ARHGAP32: variants seen among roughly 807,000 people sequenced by gnomAD.
The protein encoded by ARHGAP32 is Rho GTPase activating protein 32, also known as rho GTPase-activating protein 32.
ARHGAP32 carries 51 observed loss-of-function variants against 186.5 expected under a neutral mutation model. The observed-to-expected ratio is 0.27, with a 90% CI of 0.22 to 0.35. ARHGAP32 has a LOEUF of 0.35. Ranked by LOEUF, ARHGAP32 falls within the 10% of genes least tolerant of loss-of-function variation. ARHGAP32 has a pLI of 1.00. For missense variants in ARHGAP32, 2,186 were observed against 2,623.5 expected (o/e 0.83, Z 3.64); for synonymous variants, 950 against 964.3 (o/e 0.99, Z 0.27).
At chr11:129,049,797 G>C (rs896501142) in intron 10 of ARHGAP32, among the ~76,000 whole-genome samples, 1 of 152,106 alleles carries the variant, frequency 6.6e-6, no homozygotes, top group Non-Finnish European at 1.5e-5. Context: ...TATTAGGGTC[G>C]TTTCCAGTTT....
chr11:129,276,368 A>G (rs1250183748), intron 1 of ARHGAP32, among the ~76,000 whole-genome samples: 2 of 152,176 alleles, frequency 1.3e-5, no homozygotes, highest in Non-Finnish European at 2.9e-5. Context: ...TGGCACAATG[A>G]TAGCTCACTG....
chr11:129,234,694 G>A (rs973152271), intron 1 of ARHGAP32, among the ~76,000 whole-genome samples: 1 of 152,028 alleles, frequency 6.6e-6, no homozygotes, highest in Admixed American at 6.6e-5. Context: ...AATGAATCTG[G>A]CAATTTTTAG....
At chr11:128,973,555 A>G in intron 21 of ARHGAP32, 123 bp from the exon 22 acceptor site, 1 of 1,042,482 alleles carries the variant, frequency 9.6e-7, no homozygotes, top group East Asian at 2.5e-5. Flanking sequence ...CAAAATGGCA[A>G]TCCATGATCT....
chr11:129,045,552 T>C (rs754437719), intron 10 of ARHGAP32, among the ~76,000 whole-genome samples: 2 of 150,656 alleles, frequency 1.3e-5, no homozygotes, highest in African/African-American at 5.0e-5. Context: ...GGAACTAACT[T>C]TAAAAGTACA....
intron 15 of ARHGAP32, 182 bp downstream of exon 15, chr11:128,985,815 AGTGTGT>A (rs151158915): frequency 3.8e-4 from 71 of 186,920 alleles, no homozygotes; most frequent in African/African-American, 1.8e-3. Flanking sequence ...ACATACATAT[AGTGTGT>A]GTGTGTGTGC....
At chr11:129,065,371 C>T (rs1303686359) in intron 7 of ARHGAP32, among the ~76,000 whole-genome samples, 2 of 151,946 alleles carry the variant, frequency 1.3e-5, no homozygotes, top group African/African-American at 2.4e-5. Context: ...ATGGTTCAGC[C>T]GATTGGTCCA....
intron 1 of ARHGAP32, among the ~76,000 whole-genome samples, chr11:129,252,778 A>G (rs552751655): frequency 1.3e-5 from 2 of 152,316 alleles, no homozygotes; most frequent in Admixed American, 1.3e-4. Context: ...TCCTTGTTCC[A>G]ATGGAGCTTG....
At chr11:129,276,936 CCTGA>C (rs112190725) in intron 1 of ARHGAP32, among the ~76,000 whole-genome samples, 233 of 152,290 alleles carry the variant, frequency 1.5e-3, no homozygotes, top group African/African-American at 5.3e-3. Flanking sequence ...CTTGCTGCCT[CCTGA>C]CTACTTCCAT....
chr11:129,109,246 G>T (rs1282234640), intron 5 of ARHGAP32, among the ~76,000 whole-genome samples: 1 of 151,860 alleles, frequency 6.6e-6, no homozygotes, highest in Non-Finnish European at 1.5e-5. Flanking sequence ...TTCTTTTGTG[G>T]CCAAATAGTA....
chr11:128,981,050 A>T (rs970379281), intron 17 of ARHGAP32, among the ~76,000 whole-genome samples: 2 of 152,246 alleles, frequency 1.3e-5, no homozygotes, highest in Non-Finnish European at 2.9e-5. Flanking sequence ...CACACATATA[A>T]AACTCTTTAA....
rs536623200 is a variant in ARHGAP32, at chr11:129,089,589, T to C, written c.531+4032A>G. On this transcript the variant is annotated intron_variant, in intron 6 of 22. Coordinates refer to ENST00000682385, the MANE Select transcript of ARHGAP32 (RefSeq NM_001378024.1). ...GAGGAGGGATGGTCCTGACATGATG[T>C]AGAAGAGGCAGGGATACCCAGATTG... Among the ~76,000 whole-genome samples the C allele has an allele frequency of 2.6e-5, 4 of 152,328 alleles. No individual in the cohort carries two copies. In the East Asian group the frequency reaches 5.8e-4, roughly 22 times the overall value.
intron 2 of ARHGAP32, among the ~76,000 whole-genome samples, chr11:129,144,022 T>A (rs1943118533): frequency 6.6e-6 from 1 of 152,208 alleles, no homozygotes; most frequent in Admixed American, 6.5e-5. Context: ...TTATTAAAAC[T>A]GTGTTATATT....
chr11:129,278,552 G>A (rs557433960), intron 1 of ARHGAP32, among the ~76,000 whole-genome samples: 4 of 152,226 alleles, frequency 2.6e-5, no homozygotes, highest in Admixed American at 1.3e-4. Flanking sequence ...GGGAAACCAA[G>A]GTACAGGGGT....
chr11:129,275,085 G>A (rs1348953406), intron 1 of ARHGAP32, among the ~76,000 whole-genome samples: 1 of 152,180 alleles, frequency 6.6e-6, no homozygotes, highest in Non-Finnish European at 1.5e-5. Flanking sequence ...ATACACTACA[G>A]CATACAGGAA....
chr11:129,254,379 C>T (rs1945227866), intron 1 of ARHGAP32, among the ~76,000 whole-genome samples: 1 of 152,040 alleles, frequency 6.6e-6, no homozygotes, highest in South Asian at 2.1e-4. Flanking sequence ...AGGCTCACTG[C>T]TTCCCTTCCT....
chr11:129,069,870 C>T (rs1940815005), intron 6 of ARHGAP32, among the ~76,000 whole-genome samples: 1 of 151,950 alleles, frequency 6.6e-6, no homozygotes, highest in African/African-American at 2.4e-5. Flanking sequence ...AAATGTAGTC[C>T]TGCATTTTTT....
At chr11:128,992,183 C>T (rs1946076008) in intron 12 of ARHGAP32, among the ~76,000 whole-genome samples, 1 of 152,066 alleles carries the variant, frequency 6.6e-6, no homozygotes, top group Admixed American at 6.6e-5. Flanking sequence ...AAGTTTTGTG[C>T]ATATCATACA....
In ARHGAP32 at chr11:128,986,554, C is replaced by T; in HGVS notation, c.1413G>A (p.Leu471=). ...KLYFRELPNP[L]LTYQLYEKFS... ...ATTTCTCATACAGCTGGTAGGTAAG[C>T]AGAGGGTTTGGGAGTTCCCGGAAGT... Residue 471 remains leucine (L), a synonymous_variant, in exon 14 of 23, where the codon CTG becomes CTA. Transcript: ENST00000682385. 3 of 1,614,048 alleles carry T rather than the reference C, an allele frequency of 1.9e-6. No individual in the cohort carries two copies. Among genetic ancestry groups the T allele is most frequent in the Non-Finnish European group, 2.5e-6 (3 of 1,179,978 alleles).
At position 128,977,450 on chromosome 11, in the gene ARHGAP32, C is replaced by A. The variant is rs184674923; in HGVS notation, c.2123-816G>T. Among the ~76,000 whole-genome samples the A allele has an allele frequency of 6.6e-5, 10 of 152,254 alleles. 1 individual carries two copies. In the East Asian group the frequency reaches 1.9e-3, roughly 29 times the overall value. On this transcript the variant is annotated intron_variant, in intron 19 of 22. Coordinates refer to ENST00000682385, the MANE Select transcript of ARHGAP32 (RefSeq NM_001378024.1). ...ATTTCTTCTTACTCTCCTCTCATGA[C>A]AATTCTTCCTTTCCCACCTTTAAAC...
Sources: gnomAD v4.1 joint callset for allele counts (sites outside exome capture counted in the v4.1 genomes callset) on GRCh38, gnomAD v4.1.1 for gene constraint, MANE v1.5 for transcripts, NCBI Gene and HGNC (gene_info 2026-07-23, HGNC 2026-07-21) for gene names.